The following HIF3A variants were observed in gnomAD, a reference collection of about 807,000 sequenced individuals.
The protein encoded by HIF3A is hypoxia inducible factor 3 subunit alpha.
A neutral mutation model predicts 67.2 loss-of-function variants in HIF3A; 41 were observed. The observed-to-expected ratio is 0.61, with a 90% CI of 0.48 to 0.79. The LOEUF is 0.79. HIF3A is among the 30% of genes least tolerant of loss of function. The pLI, the probability that HIF3A is intolerant of heterozygous loss-of-function variation, is 0.00. For synonymous variants in HIF3A, 356 were observed against 374.8 expected (o/e 0.95, Z 0.58); for missense variants, 855 against 898.0 (o/e 0.95, Z 0.61).
chr19:46,315,504 C>A (rs915408294), intron 8 of HIF3A, among the ~76,000 whole-genome samples: 1 of 150,340 alleles, frequency 6.7e-6, no homozygotes, highest in African/African-American at 2.4e-5. Flanking sequence ...TAGAAAAAAA[C>A]AGCTACTGTA....
At chr19:46,306,896 T>C (rs1968899444) in intron 3 of HIF3A, among the ~76,000 whole-genome samples, 1 of 152,178 alleles carries the variant, frequency 6.6e-6, no homozygotes, top group African/African-American at 2.4e-5. Flanking sequence ...GGTGAGCCAA[T>C]AGGGTCCACC....
chr19:46,338,821 C>T lies in HIF3A; in HGVS notation c.1913-704C>T, dbSNP rs115747664. ...CTGACTCTGGACTCGGGTTCTTCAC[C>T]GCAGCCCTGAACACCCCAGAGAGGT... is the stretch of plus-strand genomic sequence containing the variant. On this transcript the variant is annotated intron_variant, in intron 14 of 14. Coordinates refer to ENST00000377670, the MANE Select transcript of HIF3A (RefSeq NM_152795.4). 1.5e-3 allele frequency among the ~76,000 whole-genome samples: 222 copies of T among 152,206 alleles called. 1 individual carries two copies. The highest frequency in any genetic ancestry group is 5.1e-3 in the African/African-American group (210 of 41,516).
chr19:46,311,232 T>C (rs1216844869), intron 6 of HIF3A, among the ~76,000 whole-genome samples: 1 of 152,170 alleles, frequency 6.6e-6, no homozygotes, highest in Non-Finnish European at 1.5e-5. Flanking sequence ...TGCTGTAATA[T>C]ATTACCACGA....
At chr19:46,305,992 T>C (rs1299862618) in intron 3 of HIF3A, among the ~76,000 whole-genome samples, 1 of 152,042 alleles carries the variant, frequency 6.6e-6, no homozygotes, top group Non-Finnish European at 1.5e-5. Context: ...GGTGGGAAGA[T>C]CATGTGAGCC....
chr19:46,303,720 T>A (rs370896896), intron 1 of HIF3A, 178 bp from the exon 2 acceptor site: 6 of 1,545,898 alleles, frequency 3.9e-6, no homozygotes, highest in Non-Finnish European at 5.3e-6. Context: ...CTCCACAGTG[T>A]AGCCCTTCCA....
intron 13 of HIF3A, among the ~76,000 whole-genome samples, chr19:46,334,072 C>A (rs970420233): frequency 6.6e-6 from 1 of 151,336 alleles, no homozygotes. Context: ...GGATTACAGG[C>A]GTGAGCCACC....
chr19:46,305,848 G>T (rs1484598451), intron 3 of HIF3A, among the ~76,000 whole-genome samples: 1 of 152,178 alleles, frequency 6.6e-6, no homozygotes, highest in Non-Finnish European at 1.5e-5. Flanking sequence ...AGGCCAAGAT[G>T]GGAGGATAGC....
At chr19:46,329,172 G>A (rs1323812857) in intron 11 of HIF3A, 35 bp from the exon 12 acceptor site, 2 of 1,556,764 alleles carry the variant, frequency 1.3e-6, no homozygotes, top group African/African-American at 1.4e-5. Flanking sequence ...CCAAGTCCAA[G>A]GCTCATCCTC....
At chr19:46,316,213 A>C (rs748664400) in intron 8 of HIF3A, among the ~76,000 whole-genome samples, 1 of 149,246 alleles carries the variant, frequency 6.7e-6, no homozygotes, top group Non-Finnish European at 1.5e-5. Context: ...CCTGGGCGAC[A>C]GAAGGAGACA....
rs533684864 is a variant in HIF3A, at chr19:46,321,254, G to A, written c.1145-522G>A. 9.9e-5 allele frequency among the ~76,000 whole-genome samples: 15 copies of A among 152,144 alleles called. No homozygotes were observed. In the South Asian group the frequency reaches 1.2e-3, roughly 13 times the overall value. ...TCTGAGCCACCAATCCCTTCCCCTC[G>A]GACCTTTCAGAGCCTCACCACAATC... On this transcript the variant is annotated intron_variant, in intron 9 of 14. Coordinates refer to ENST00000377670, the MANE Select transcript of HIF3A (RefSeq NM_152795.4).
intron 8 of HIF3A, among the ~76,000 whole-genome samples, chr19:46,317,985 G>A (rs1477031194): frequency 6.6e-6 from 1 of 151,834 alleles, no homozygotes; most frequent in African/African-American, 2.4e-5. Context: ...ACAAGCACCC[G>A]CCACCACACC....
At chr19:46,306,759 A>T (rs150357213) in intron 3 of HIF3A, among the ~76,000 whole-genome samples, 1 of 152,134 alleles carries the variant, frequency 6.6e-6, no homozygotes, top group Non-Finnish European at 1.5e-5. Flanking sequence ...ACCCAGAGAG[A>T]TGAATGTCCC....
intron 8 of HIF3A, among the ~76,000 whole-genome samples, chr19:46,317,605 C>T (rs1970020278): frequency 1.3e-5 from 2 of 152,120 alleles, no homozygotes; most frequent in South Asian, 4.1e-4. Flanking sequence ...CTTCCAGTCT[C>T]AGCTCAGACA....
chr19:46,330,063 G>A (rs1971084977), intron 12 of HIF3A, among the ~76,000 whole-genome samples: 1 of 150,810 alleles, frequency 6.6e-6, no homozygotes, highest in Non-Finnish European at 1.5e-5. Flanking sequence ...GAGGGAGGGA[G>A]GGAAGGAATG....
Position 46,325,655 on chromosome 19 carries a change from G to A in HIF3A, c.1440+16G>A. 1.3e-6 allele frequency: 2 copies of A among 1,531,010 alleles called. No individual in the cohort carries two copies. Among genetic ancestry groups the A allele is most frequent in the Non-Finnish European group, 1.8e-6 (2 of 1,105,482 alleles). The allele number at this position is 1,531,010 out of a possible 1,614,324, so 94.8% of individuals were successfully genotyped here. On this transcript the variant is annotated intron_variant, in intron 11 of 14. Coordinates refer to ENST00000377670, the MANE Select transcript of HIF3A (RefSeq NM_152795.4). ...TATAGCTCAGGTAAGGGCTGGCATG[G>A]AAGGGAGTAATCCTCAGCCCTGTGT...
At chr19:46,338,724 A>G (rs975711926) in intron 14 of HIF3A, among the ~76,000 whole-genome samples, 1 of 152,178 alleles carries the variant, frequency 6.6e-6, no homozygotes, top group African/African-American at 2.4e-5. Context: ...TGAGGCACAG[A>G]GAGATGAAGC....
At position 46,331,292 on chromosome 19, in the gene HIF3A, G is replaced by A. The variant is rs1212171247; in HGVS notation, c.1830+19G>A. ...CAGCCTGGTGTGTTGGGGGATTAAT[G>A]GGATTCTCTGGCCCTCATTACCTAG... On this transcript the variant is annotated intron_variant, in intron 13 of 14. Coordinates refer to ENST00000377670, the MANE Select transcript of HIF3A (RefSeq NM_152795.4). The A allele has an allele frequency of 3.8e-6, 6 of 1,583,472 alleles. No individual in the cohort carries two copies. The highest frequency in any genetic ancestry group is 5.2e-6 in the Non-Finnish European group (6 of 1,152,468).
rs768604030 is a variant in HIF3A at position 46,308,291 on chromosome 19, T to C, written c.434T>C (p.Leu145Pro). The C allele has an allele frequency of 2.5e-6, 4 of 1,611,876 alleles. No individual in the cohort carries two copies. Among genetic ancestry groups the C allele is most frequent in the Non-Finnish European group, 3.4e-6 (4 of 1,178,552 alleles). ...PCDQEELQDALTPQQTLSRRK... is the reference protein window; with the variant it reads ...PCDQEELQDAPTPQQTLSRRK... Reference sequence around the variant, plus strand: ...GACCAAGAGGAGCTTCAGGACGCCCTGACCCCCCAGCAGAGTGAGTTCCCT... The same window carrying C: ...GACCAAGAGGAGCTTCAGGACGCCCCGACCCCCCAGCAGAGTGAGTTCCCT... The change falls in exon 4 of 15, where the codon CTG becomes CCG. Residue 145 changes from leucine (L) to proline (P), a missense_variant. Around this residue, in one of 3 missense-constraint regions of HIF3A, gnomAD observed 638 missense variants for 660.5 expected, o/e 0.97. Coordinates refer to ENST00000377670, the MANE Select transcript of HIF3A (RefSeq NM_152795.4).
intron 3 of HIF3A, among the ~76,000 whole-genome samples, chr19:46,307,751 A>C (rs1968990637): frequency 6.6e-6 from 1 of 151,642 alleles, no homozygotes. Flanking sequence ...CCATCTCAAA[A>C]AAAAAAAAGA....
Sources: gnomAD v4.1 joint callset for allele counts (sites outside exome capture counted in the v4.1 genomes callset) on GRCh38, gnomAD v4.1.1 for gene constraint, gnomAD v4.1.1 regional missense constraint, MANE v1.5 for transcripts, NCBI Gene and HGNC (gene_info 2026-07-23, HGNC 2026-07-21) for gene names.